The following PTPRG variants were observed in gnomAD, a reference collection of about 807,000 sequenced individuals.
PTPRG encodes protein tyrosine phosphatase receptor type G.
PTPRG carries 102 observed loss-of-function variants against 165.3 expected under a neutral mutation model. The ratio of observed to expected loss-of-function variants is 0.62; its 90% CI spans 0.53 to 0.73. The LOEUF is 0.73. Ranked by LOEUF, PTPRG falls within the 30% of genes least tolerant of loss-of-function variation. PTPRG has a pLI of 0.00. For missense variants in PTPRG, 1,866 were observed against 1,861.4 expected, an observed-to-expected ratio of 1.00 and a Z score of -0.05; for synonymous variants, 675 against 669.5, an observed-to-expected ratio of 1.01 and a Z score of -0.13.
intron 4 of PTPRG, among the ~76,000 whole-genome samples, chr3:62,062,133 C>G (rs1288246390): frequency 1.3e-5 from 2 of 151,852 alleles, no homozygotes; most frequent in African/African-American, 4.8e-5. Context: ...AACCCCATCT[C>G]TACTAAAAAT....
chr3:61,573,911 C>A (rs766060815), intron 1 of PTPRG, among the ~76,000 whole-genome samples: 1 of 152,202 alleles, frequency 6.6e-6, no homozygotes, highest in East Asian at 1.9e-4. Flanking sequence ...AAGCTAAATT[C>A]GTACCTTCTG....
At chr3:62,225,766 T>A (rs1173127532) in intron 13 of PTPRG, among the ~76,000 whole-genome samples, 1 of 151,748 alleles carries the variant, frequency 6.6e-6, no homozygotes, top group Non-Finnish European at 1.5e-5. Context: ...GCAATTCTCC[T>A]GCCTCAGCCT....
At chr3:61,831,153 A>G (rs147067321) in intron 2 of PTPRG, among the ~76,000 whole-genome samples, 12 of 152,208 alleles carry the variant, frequency 7.9e-5, no homozygotes, top group African/African-American at 2.9e-4. Flanking sequence ...AGATACTGAT[A>G]CTGATGAGTA....
At chr3:61,810,749 C>A (rs941114180) in intron 2 of PTPRG, among the ~76,000 whole-genome samples, 2 of 152,210 alleles carry the variant, frequency 1.3e-5, no homozygotes, top group Admixed American at 1.3e-4. Flanking sequence ...TCCAAAGAAA[C>A]TAATTAGAAT....
intron 2 of PTPRG, among the ~76,000 whole-genome samples, chr3:61,914,501 A>G (rs2038883504): frequency 6.6e-6 from 1 of 152,204 alleles, no homozygotes. Flanking sequence ...GCAGTGTAGG[A>G]GGCAGATACT....
At chr3:62,011,931 C>T (rs758355465) in intron 4 of PTPRG, among the ~76,000 whole-genome samples, 40 of 152,238 alleles carry the variant, frequency 2.6e-4, no homozygotes, top group Non-Finnish European at 5.1e-4. Flanking sequence ...CCAAAAACTA[C>T]AGTAAAGAAG....
At chr3:61,795,333 T>A (rs933163091) in intron 2 of PTPRG, among the ~76,000 whole-genome samples, 2 of 151,988 alleles carry the variant, frequency 1.3e-5, no homozygotes, top group African/African-American at 2.4e-5. Flanking sequence ...ATCTTACTTT[T>A]TTAATCTGTA....
intron 2 of PTPRG, among the ~76,000 whole-genome samples, chr3:61,936,884 T>C (rs974312276): frequency 2.0e-5 from 3 of 152,192 alleles, no homozygotes; most frequent in Non-Finnish European, 4.4e-5. Flanking sequence ...ATAAAAGCCA[T>C]ATGAGGGAAT....
intron 6 of PTPRG, among the ~76,000 whole-genome samples, chr3:62,156,656 A>G (rs1369015327): frequency 6.6e-6 from 1 of 152,074 alleles, no homozygotes; most frequent in African/African-American, 2.4e-5. Context: ...CTATCTGTTC[A>G]TAGATAATTA....
intron 2 of PTPRG, among the ~76,000 whole-genome samples, chr3:61,927,207 T>TC (rs2039236357): frequency 6.6e-6 from 1 of 152,180 alleles, no homozygotes; most frequent in African/African-American, 2.4e-5. Flanking sequence ...AACTTTTTTT[T>TC]CCTCCCAGCT....
At chr3:62,247,459 C>G (rs977217739) in intron 15 of PTPRG, among the ~76,000 whole-genome samples, 5 of 152,156 alleles carry the variant, frequency 3.3e-5, no homozygotes, top group Admixed American at 6.5e-5. Context: ...CTCACTAGCA[C>G]TGACCATTTG....
chr3:62,095,688 T>C (rs1441428772), intron 5 of PTPRG, among the ~76,000 whole-genome samples: 5 of 152,112 alleles, frequency 3.3e-5, no homozygotes, highest in Non-Finnish European at 5.9e-5. Context: ...TCAACATGTG[T>C]GAGGTCTAGT....
chr3:61,960,117 T>C (rs1341547718), intron 2 of PTPRG, among the ~76,000 whole-genome samples: 1 of 152,188 alleles, frequency 6.6e-6, no homozygotes, highest in East Asian at 1.9e-4. Flanking sequence ...TCTTATGTTG[T>C]TTTTCACAAG....
chr3:61,920,888 A>G lies in PTPRG; in HGVS notation c.191-68737A>G, dbSNP rs562964665. ...TAAAAAATTTAATGGGACATTTAAT[A>G]AAAATGAATTTTGAGTTGATGGTAT... On this transcript the variant is annotated intron_variant, in intron 2 of 29. Coordinates refer to ENST00000474889, the MANE Select transcript of PTPRG (RefSeq NM_002841.4). 4.6e-5 allele frequency among the ~76,000 whole-genome samples: 7 copies of G among 152,316 alleles called. No homozygotes were observed. In the South Asian group the frequency reaches 1.5e-3, roughly 32 times the overall value.
intron 2 of PTPRG, among the ~76,000 whole-genome samples, chr3:61,961,079 G>C (rs1211833328): frequency 6.6e-6 from 1 of 152,110 alleles, no homozygotes; most frequent in Non-Finnish European, 1.5e-5. Context: ...AGGCAGTAAA[G>C]TGTTAAAAAA....
intron 1 of PTPRG, among the ~76,000 whole-genome samples, chr3:61,675,044 T>C (rs1006109081): frequency 2.0e-5 from 3 of 152,232 alleles, no homozygotes; most frequent in Non-Finnish European, 4.4e-5. Flanking sequence ...CAGCCTAGCA[T>C]TACCCTACCA....
At chr3:62,157,044 C>G in intron 6 of PTPRG, 23 bp from the exon 7 acceptor site, 3 of 1,576,340 alleles carry the variant, frequency 1.9e-6, no homozygotes, top group Middle Eastern at 1.7e-4. Flanking sequence ...TTGTGCTTTT[C>G]TTTTCCCTTT....
intron 6 of PTPRG, 143 bp downstream of exon 6, chr3:62,132,811 T>C: frequency 2.6e-6 from 2 of 782,850 alleles, no homozygotes; most frequent in South Asian, 1.5e-5. Flanking sequence ...AGCCATTATA[T>C]GATGGGTAAA....
chr3:61,608,609 C>T (rs151032257), intron 1 of PTPRG, among the ~76,000 whole-genome samples: 75 of 152,278 alleles, frequency 4.9e-4, no homozygotes, highest in African/African-American at 1.8e-3. Context: ...GATTCTTGTT[C>T]GACTTCTTTG....
Sources: gnomAD v4.1 joint callset for allele counts (sites outside exome capture counted in the v4.1 genomes callset) on GRCh38, gnomAD v4.1.1 for gene constraint, MANE v1.5 for transcripts, NCBI Gene and HGNC (gene_info 2026-07-23, HGNC 2026-07-21) for gene names.